Variants in CPED1 observed in about 807,000 individuals in gnomAD.
The protein encoded by CPED1 is cadherin like and PC-esterase domain containing 1, also known as cadherin-like and PC-esterase domain-containing protein 1.
Under a neutral mutation model 128.2 loss-of-function variants are expected in CPED1, and 114 were observed. The ratio of observed to expected loss-of-function variants is 0.89; its 90% CI spans 0.76 to 1.04. The LOEUF is 1.04. Ranked by LOEUF, CPED1 falls within the 50% of genes least tolerant of loss-of-function variation. The pLI, the probability that CPED1 is intolerant of heterozygous loss-of-function variation, is 0.00. For missense variants in CPED1, 1,211 were observed against 1,207.1 expected (o/e 1.00, Z -0.05); for synonymous variants, 462 against 426.7 (o/e 1.08, Z -1.02).
chr7:121,082,565 A>G (rs1794320088), intron 5 of CPED1, among the ~76,000 whole-genome samples: 1 of 152,240 alleles, frequency 6.6e-6, no homozygotes. Flanking sequence ...ATAAAGCAGG[A>G]GATGACATTA....
intron 3 of CPED1, among the ~76,000 whole-genome samples, chr7:121,035,654 T>C (rs1200219163): frequency 1.3e-5 from 2 of 151,538 alleles, no homozygotes; most frequent in African/African-American, 2.4e-5. Context: ...GGCAACAGAG[T>C]GAGACCCCTG....
intron 4 of CPED1, among the ~76,000 whole-genome samples, chr7:121,047,704 TTCTTCTTCTTC>T (rs1563004987): frequency 3.4e-5 from 3 of 89,234 alleles, no homozygotes; most frequent in Non-Finnish European, 6.7e-5. Flanking sequence ...CTTCTTCTTC[TTCTTCTTCTTC>T]TTTTTTTTTT....
chr7:121,167,394 T>C (rs1441674301), intron 16 of CPED1, among the ~76,000 whole-genome samples: 1 of 152,168 alleles, frequency 6.6e-6, no homozygotes, highest in Non-Finnish European at 1.5e-5. Flanking sequence ...CATTTCTTTA[T>C]GGAAAAAAGA....
At chr7:121,082,957 T>A (rs1563018915) in intron 5 of CPED1, among the ~76,000 whole-genome samples, 1 of 152,186 alleles carries the variant, frequency 6.6e-6, no homozygotes, top group South Asian at 2.1e-4. Context: ...TATAATAATA[T>A]TTATGCATAA....
chr7:121,214,439 T>C (rs1449676679), intron 16 of CPED1, among the ~76,000 whole-genome samples: 3 of 151,822 alleles, frequency 2.0e-5, no homozygotes, highest in Admixed American at 2.0e-4. Context: ...ATTACAGGCA[T>C]GTGTCACCAT....
At chr7:121,026,907 T>G (rs1015241788) in intron 3 of CPED1, among the ~76,000 whole-genome samples, 11 of 144,882 alleles carry the variant, frequency 7.6e-5, no homozygotes, top group African/African-American at 2.8e-4. Flanking sequence ...CATGGCTCAC[T>G]GCAGCCTTGA....
intron 12 of CPED1, among the ~76,000 whole-genome samples, chr7:121,133,495 A>G (rs1461165467): frequency 6.6e-6 from 1 of 152,118 alleles, no homozygotes; most frequent in Non-Finnish European, 1.5e-5. Flanking sequence ...CAGTGTAACT[A>G]TAGCCAAACA....
chr7:121,188,968 G>T (rs1797065761), intron 16 of CPED1, among the ~76,000 whole-genome samples: 1 of 152,128 alleles, frequency 6.6e-6, no homozygotes, highest in African/African-American at 2.4e-5. Context: ...TTGAGGCAAA[G>T]CCTGGGCAAC....
chr7:121,145,010 A>G (rs13245690), intron 16 of CPED1, among the ~76,000 whole-genome samples: 48,710 of 151,770 alleles, frequency 0.32, 8,306 homozygotes, highest in Middle Eastern at 0.48. Context: ...CTATATCTTA[A>G]TCTGGGTGCT....
intron 22 of CPED1, among the ~76,000 whole-genome samples, chr7:121,288,391 C>A (rs928910431): frequency 6.6e-6 from 1 of 152,284 alleles, no homozygotes; most frequent in East Asian, 1.9e-4. Context: ...GGAGCATTGA[C>A]CCTATAAAAG....
rs148032790 is a variant in CPED1, at chr7:121,287,956, G to A, written c.2869-7484G>A. On this transcript the variant is annotated intron_variant, in intron 22 of 22. Coordinates refer to ENST00000310396, the MANE Select transcript of CPED1 (RefSeq NM_024913.5). ...CAGTAAAGCTATACAATTTTCAAAT[G>A]TTAACTTTATAATATCTAATTATTT... Among the ~76,000 whole-genome samples the A allele has an allele frequency of 8.5e-3, 1,298 of 152,178 alleles. 20 individuals carry two copies. The highest frequency in any genetic ancestry group is 0.029 in the African/African-American group (1,218 of 41,518).
intron 16 of CPED1, among the ~76,000 whole-genome samples, chr7:121,230,159 T>A (rs1045055139): frequency 5.3e-5 from 8 of 151,910 alleles, no homozygotes; most frequent in Non-Finnish European, 7.4e-5. Context: ...GCAATTCCCA[T>A]GATAAAAGAA....
intron 16 of CPED1, among the ~76,000 whole-genome samples, chr7:121,233,377 C>G (rs1449635937): frequency 6.6e-6 from 1 of 151,962 alleles, no homozygotes; most frequent in Non-Finnish European, 1.5e-5. Context: ...CAAGAGATGA[C>G]ACTTAAGACC....
At chr7:121,159,922 A>G (rs1334264166) in intron 16 of CPED1, among the ~76,000 whole-genome samples, 2 of 152,190 alleles carry the variant, frequency 1.3e-5, no homozygotes, top group Non-Finnish European at 2.9e-5. Context: ...AAAAGTTATG[A>G]TCTAGGTTAC....
chr7:121,199,774 A>G (rs1486828043), intron 16 of CPED1, among the ~76,000 whole-genome samples: 5 of 152,012 alleles, frequency 3.3e-5, no homozygotes, highest in African/African-American at 7.2e-5. Flanking sequence ...GTGTCAGCCA[A>G]TGGAAAGATA....
At chr7:121,070,739 C>G (rs962008977) in intron 5 of CPED1, among the ~76,000 whole-genome samples, 1 of 152,124 alleles carries the variant, frequency 6.6e-6, no homozygotes, top group Non-Finnish European at 1.5e-5. Context: ...CCATGACCAG[C>G]CTAGTCCAAA....
chr7:121,072,356 C>T (rs964890805), intron 5 of CPED1, among the ~76,000 whole-genome samples: 4 of 152,098 alleles, frequency 2.6e-5, no homozygotes, highest in Non-Finnish European at 4.4e-5. Flanking sequence ...ATTAGCCTCA[C>T]TCAATTACCC....
At chr7:121,153,947 T>A (rs1019527265) in intron 16 of CPED1, among the ~76,000 whole-genome samples, 2 of 152,200 alleles carry the variant, frequency 1.3e-5, no homozygotes, top group East Asian at 3.8e-4. Context: ...TTTTATCACT[T>A]ACTACCATAA....
chr7:121,293,712 A>G (rs1562865417), intron 22 of CPED1, among the ~76,000 whole-genome samples: 1 of 152,018 alleles, frequency 6.6e-6, no homozygotes, highest in Admixed American at 6.5e-5. Flanking sequence ...GCTGGATAGC[A>G]CCATCCCTCA....
Sources: gnomAD v4.1 joint callset for allele counts (sites outside exome capture counted in the v4.1 genomes callset) on GRCh38, gnomAD v4.1.1 for gene constraint, MANE v1.5 for transcripts, NCBI Gene and HGNC (gene_info 2026-07-23, HGNC 2026-07-21) for gene names.